The following PCDHA3 variants were observed in gnomAD, a reference collection of about 807,000 sequenced individuals.
PCDHA3 encodes the protein protocadherin alpha 3, also known as protocadherin alpha-3.
Under a neutral mutation model 62.2 loss-of-function variants are expected in PCDHA3, and 41 were observed. That is an observed-to-expected ratio of 0.66 (90% CI 0.51 to 0.86). PCDHA3 has a LOEUF of 0.86. Ranked by LOEUF, PCDHA3 falls within the 40% of genes least tolerant of loss-of-function variation. The probability of loss-of-function intolerance (pLI) is 0.00; values close to 1 mark genes in which losing one functional copy is unlikely to be tolerated. For synonymous variants in PCDHA3, 640 were observed against 555.4 expected, an observed-to-expected ratio of 1.15 and a Z score of -2.14; for missense variants, 1,304 against 1,241.2, an observed-to-expected ratio of 1.05 and a Z score of -0.76.
intron 1 of PCDHA3, chr5:140,871,459 G>A (rs781872546): frequency 6.2e-6 from 10 of 1,605,178 alleles, no homozygotes; most frequent in Admixed American, 1.7e-5. Flanking sequence ...GGAGGAAGGG[G>A]AAAGACAGGA....
rs782411315 is a variant in PCDHA3, at chr5:140,883,596, T to G, written c.2394+80005T>G. ...CTGTGGGCCACGGCCAGCGTGTCGG[T>G]GGGGGTGGCCGACGTGAACGACAAC... On this transcript the variant is annotated intron_variant, in intron 1 of 3. Coordinates refer to ENST00000522353, the MANE Select transcript of PCDHA3 (RefSeq NM_018906.3). 1.0e-4 allele frequency: 167 copies of G among 1,613,676 alleles called. No homozygotes were observed. The highest frequency in any genetic ancestry group is 1.6e-4 in the Middle Eastern group (1 of 6,072).
chr5:140,941,239 C>CTTTCTTTCTTTCTTTA (rs2092937531), intron 1 of PCDHA3, among the ~76,000 whole-genome samples: 1 of 134,502 alleles, frequency 7.4e-6, no homozygotes, highest in African/African-American at 2.9e-5. Context: ...TTCTTTCTTT[C>CTTTCTTTCTTTCTTTA]TTTCTTTCTT....
chr5:140,832,274 T>C (rs1771890474), intron 1 of PCDHA3, among the ~76,000 whole-genome samples: 1 of 152,194 alleles, frequency 6.6e-6, no homozygotes, highest in Admixed American at 6.5e-5. Flanking sequence ...TAGACTACAT[T>C]AAGCATGAAT....
chr5:140,848,724 G>T, intron 1 of PCDHA3: 5 of 1,592,662 alleles, frequency 3.1e-6, no homozygotes, highest in Non-Finnish European at 4.3e-6. Context: ...CCTTCTGGAG[G>T]TAAATCTGCA....
At chr5:140,827,284 CA>C (rs1769236667) in intron 1 of PCDHA3, among the ~76,000 whole-genome samples, 1 of 152,058 alleles carries the variant, frequency 6.6e-6, no homozygotes, top group African/African-American at 2.4e-5. Flanking sequence ...GCTGAAGAAT[CA>C]AAAACAGCAA....
intron 1 of PCDHA3, among the ~76,000 whole-genome samples, chr5:140,881,751 A>C (rs974973794): frequency 2.0e-5 from 3 of 152,206 alleles, no homozygotes; most frequent in African/African-American, 7.2e-5. Context: ...GGACAGTACC[A>C]CAAAAACCTA....
chr5:140,969,019 G>A (rs782394566), intron 1 of PCDHA3: 61 of 1,614,046 alleles, frequency 3.8e-5, no homozygotes, highest in Non-Finnish European at 4.7e-5. Flanking sequence ...TAAGGGAAAG[G>A]TCCCCTGCAG....
chr5:140,934,709 C>T (rs991669354), intron 1 of PCDHA3, among the ~76,000 whole-genome samples: 2 of 152,084 alleles, frequency 1.3e-5, no homozygotes, highest in Non-Finnish European at 1.5e-5. Flanking sequence ...GGCCATCTTA[C>T]AAAAAGGACC....
chr5:140,846,597 A>G (rs930246175), intron 1 of PCDHA3, among the ~76,000 whole-genome samples: 2 of 148,430 alleles, frequency 1.3e-5, no homozygotes, highest in Non-Finnish European at 3.0e-5. Context: ...GATGGTCTCG[A>G]TCTCCTGACC....
In PCDHA3 at chr5:140,802,428, A is replaced by T; in HGVS notation, c.1231A>T (p.Ser411Cys). ...GAATTACTACTCATTGGTGCTGGACAGCCCTCTGGACCGCGAGAGCGTGTC... is the reference window on the plus strand; with the variant it reads ...GAATTACTACTCATTGGTGCTGGACTGCCCTCTGGACCGCGAGAGCGTGTC... ...FKNYYSLVLD[S>C]PLDRESVSAY... Residue 411 changes from serine to cysteine, a missense_variant, in exon 1 of 4, where the codon AGC becomes TGC. Physicochemically the swap from Ser to Cys is moderately radical, Grantham distance 112. Transcript: ENST00000522353. 6.2e-7 allele frequency: 1 copy of T among 1,614,230 alleles called. No individual in the cohort carries two copies. The highest frequency in any genetic ancestry group is 8.5e-7 in the Non-Finnish European group (1 of 1,180,040).
At chr5:141,008,347 G>A (rs551037675) in intron 3 of PCDHA3, among the ~76,000 whole-genome samples, 7 of 152,244 alleles carry the variant, frequency 4.6e-5, no homozygotes, top group South Asian at 2.1e-4. Flanking sequence ...AGCTTTTCAC[G>A]TGTCAACCAA....
chr5:140,935,286 C>T (rs1283279527), intron 1 of PCDHA3, among the ~76,000 whole-genome samples: 1 of 152,150 alleles, frequency 6.6e-6, no homozygotes, highest in Non-Finnish European at 1.5e-5. Context: ...TAAAGTTCAG[C>T]ACTCCGAGGT....
chr5:140,875,695 C>T (rs782520558), intron 1 of PCDHA3: 4 of 1,613,962 alleles, frequency 2.5e-6, no homozygotes, highest in East Asian at 2.2e-5. Context: ...CGGGGACCTT[C>T]TGGAGGTAAA....
intron 3 of PCDHA3, among the ~76,000 whole-genome samples, chr5:141,006,271 G>T (rs2098264486): frequency 6.6e-6 from 1 of 151,918 alleles, no homozygotes; most frequent in Non-Finnish European, 1.5e-5. Context: ...GACTGCAGTG[G>T]CACGATCTCA....
intron 1 of PCDHA3, among the ~76,000 whole-genome samples, chr5:140,840,706 G>A (rs1262374408): frequency 6.6e-6 from 1 of 151,968 alleles, no homozygotes; most frequent in African/African-American, 2.4e-5. Flanking sequence ...CAGGCAATTT[G>A]ACATTTATTG....
In PCDHA3 at chr5:141,010,428, A is replaced by G. The variant is rs2098417264; in HGVS notation, c.*491A>G. The G allele has an allele frequency of 9.2e-7, 1 of 1,087,372 alleles. No individual in the cohort carries two copies. Among genetic ancestry groups the G allele is most frequent in the East Asian group, 2.6e-5 (1 of 38,240 alleles). 67.4% of individuals were successfully genotyped at this position (1,087,372 alleles called of 1,614,324 possible). ...GACTAATTGGTACAAGGAAGGCAAG[A>G]AAACAAAGACAAATAAACAGCGGAA... On this transcript the variant is annotated 3_prime_UTR_variant, in exon 4 of 4. Transcript: ENST00000522353.
chr5:140,869,141 G>T (rs782396331), intron 1 of PCDHA3: 1 of 1,613,314 alleles, frequency 6.2e-7, no homozygotes, highest in African/African-American at 1.3e-5. Flanking sequence ...GGCACCCCAC[G>T]ACTACAGCTC....
At chr5:140,926,607 C>T (rs887450914) in intron 1 of PCDHA3, 1 of 348,974 alleles carries the variant, frequency 2.9e-6, no homozygotes, top group Non-Finnish European at 5.1e-6. Context: ...GGCCTCGTCT[C>T]TGCACCCCTA....
intron 1 of PCDHA3, chr5:140,841,882 T>A: frequency 6.2e-7 from 1 of 1,613,800 alleles, no homozygotes; most frequent in Non-Finnish European, 8.5e-7. Context: ...CAAAGAACGA[T>A]GAGAATAAAC....
Sources: allele counts gnomAD v4.1 joint callset (sites outside exome capture counted in the v4.1 genomes callset), GRCh38; gene constraint gnomAD v4.1.1; transcripts MANE v1.5; gene names NCBI Gene and HGNC (gene_info 2026-07-23, HGNC 2026-07-21).